The following SH3RF3 variants were observed in gnomAD, a reference collection of about 807,000 sequenced individuals.
The protein encoded by SH3RF3 is SH3 domain containing ring finger 3.
SH3RF3 carries 29 observed loss-of-function variants against 66.3 expected under a neutral mutation model. The observed-to-expected ratio is 0.44, with a 90% CI of 0.33 to 0.60. The LOEUF is 0.60. Among genes scored for constraint, SH3RF3 ranks in the 20% least tolerant of loss-of-function variants. The pLI is 0.04. For missense variants in SH3RF3, 1,194 were observed against 1,190.9 expected, an observed-to-expected ratio of 1.00 and a Z score of -0.04; for synonymous variants, 583 against 532.0, an observed-to-expected ratio of 1.10 and a Z score of -1.32.
intron 1 of SH3RF3, among the ~76,000 whole-genome samples, chr2:109,287,823 A>C (rs1333038704): frequency 1.3e-5 from 2 of 151,600 alleles, no homozygotes; most frequent in Non-Finnish European, 2.9e-5. Flanking sequence ...AGGGCGCTGC[A>C]CTCTCCTGTG....
intron 8 of SH3RF3, among the ~76,000 whole-genome samples, chr2:109,456,581 C>A (rs1410545398): frequency 1.3e-5 from 2 of 152,212 alleles, no homozygotes; most frequent in African/African-American, 4.8e-5. Context: ...CTGGAGGCTT[C>A]TCTTGTTATC....
intron 7 of SH3RF3, among the ~76,000 whole-genome samples, chr2:109,438,427 G>T (rs1677471246): frequency 2.0e-5 from 3 of 152,190 alleles, no homozygotes; most frequent in African/African-American, 4.8e-5. Flanking sequence ...TGTGCTGGTG[G>T]TGTACCTGTC....
At chr2:109,391,107 C>G (rs778903177) in intron 3 of SH3RF3, among the ~76,000 whole-genome samples, 1 of 152,224 alleles carries the variant, frequency 6.6e-6, no homozygotes, top group Non-Finnish European at 1.5e-5. Flanking sequence ...GAAAACCATT[C>G]GCTCCGACTC....
At chr2:109,325,269 G>GTAGA (rs1682124913) in intron 1 of SH3RF3, among the ~76,000 whole-genome samples, 1 of 150,410 alleles carries the variant, frequency 6.6e-6, no homozygotes, top group African/African-American at 2.4e-5. Context: ...CCAAGAAATC[G>GTAGA]TAGAATCCCA....
intron 1 of SH3RF3, among the ~76,000 whole-genome samples, chr2:109,181,478 G>A (rs1172599267): frequency 2.0e-5 from 3 of 151,854 alleles, no homozygotes; most frequent in African/African-American, 7.3e-5. Flanking sequence ...GATTCCACTG[G>A]TGTAACACAC....
chr2:109,461,388 C>T lies in SH3RF3; in HGVS notation c.2148+11899C>T, dbSNP rs561375908. On this transcript the variant is annotated intron_variant, in intron 8 of 9. Transcript: ENST00000309415. ...TGCTCCAAAATCCTAAAGACCTGCG[C>T]GGTGATCCACCTGCCAAAGGCCCCA... Among the ~76,000 whole-genome samples the T allele has an allele frequency of 1.6e-4, 24 of 150,766 alleles. 1 individual carries two copies. The East Asian group carries it at 2.9e-3, about 18-fold the overall frequency.
intron 1 of SH3RF3, among the ~76,000 whole-genome samples, chr2:109,261,699 T>C (rs1680359742): frequency 6.6e-6 from 1 of 152,088 alleles, no homozygotes; most frequent in Non-Finnish European, 1.5e-5. Flanking sequence ...TCTTATTGAA[T>C]TGGGTGTGTA....
At chr2:109,483,001 T>A (rs1418154458) in intron 8 of SH3RF3, among the ~76,000 whole-genome samples, 1 of 152,256 alleles carries the variant, frequency 6.6e-6, no homozygotes, top group Non-Finnish European at 1.5e-5. Flanking sequence ...CTGTTTCTTT[T>A]AATTATCTCG....
At chr2:109,282,164 A>G (rs1181993535) in intron 1 of SH3RF3, among the ~76,000 whole-genome samples, 2 of 151,944 alleles carry the variant, frequency 1.3e-5, no homozygotes, top group Non-Finnish European at 1.5e-5. Context: ...GATGATGGAT[A>G]GCAGCTATTT....
intron 1 of SH3RF3, among the ~76,000 whole-genome samples, chr2:109,338,069 C>T (rs796230863): frequency 6.6e-6 from 1 of 152,204 alleles, no homozygotes; most frequent in African/African-American, 2.4e-5. Flanking sequence ...GTCTGTGTGT[C>T]ATGTGATGTG....
rs1676618643 is a variant in SH3RF3 at position 109,129,330 on chromosome 2, CGG to C, written c.-210_-209del. ...TCAGGACTGGGCGGGCTCGGCTGGC[CGG>C]TCCCCGCCACGCAGGCCGGTCCCCG... On this transcript the variant is annotated 5_prime_UTR_variant, in exon 1 of 10. Coordinates refer to ENST00000309415, the MANE Select transcript of SH3RF3 (RefSeq NM_001099289.3). The C allele has an allele frequency of 2.3e-3, 3 of 1,304 alleles. No homozygotes were observed. The highest frequency in any genetic ancestry group is 9.0e-4 in the African/African-American group (1 of 1,112). The allele number at this position is 1,304 out of a possible 1,614,324, so 0.1% of individuals were successfully genotyped here.
intron 8 of SH3RF3, among the ~76,000 whole-genome samples, chr2:109,451,642 A>G (rs2104643446): frequency 6.6e-6 from 1 of 152,350 alleles, no homozygotes; most frequent in Admixed American, 6.5e-5. Context: ...CCTGTTAGAC[A>G]CTTTGTAAAT....
intron 8 of SH3RF3, among the ~76,000 whole-genome samples, chr2:109,469,876 A>G (rs924851942): frequency 6.6e-6 from 1 of 152,212 alleles, no homozygotes; most frequent in Non-Finnish European, 1.5e-5. Flanking sequence ...GTCCACTGCA[A>G]CCACAACCTC....
chr2:109,316,024 C>A (rs1681871348), intron 1 of SH3RF3, among the ~76,000 whole-genome samples: 1 of 152,130 alleles, frequency 6.6e-6, no homozygotes, highest in South Asian at 2.1e-4. Flanking sequence ...GCTTTTTTCA[C>A]CCAAATTGCA....
At chr2:109,425,669 G>T (rs1451297540) in intron 5 of SH3RF3, among the ~76,000 whole-genome samples, 1 of 151,108 alleles carries the variant, frequency 6.6e-6, no homozygotes, top group Non-Finnish European at 1.5e-5. Context: ...CCTGAATATT[G>T]TAAGTCCATT....
intron 1 of SH3RF3, among the ~76,000 whole-genome samples, chr2:109,148,662 AG>A (rs1443344343): frequency 6.6e-6 from 1 of 152,260 alleles, no homozygotes; most frequent in Non-Finnish European, 1.5e-5. Context: ...AAAATGTGAA[AG>A]GGATAATTTC....
At chr2:109,489,135 C>A (rs1679059561) in intron 8 of SH3RF3, among the ~76,000 whole-genome samples, 1 of 152,260 alleles carries the variant, frequency 6.6e-6, no homozygotes, top group East Asian at 1.9e-4. Flanking sequence ...CCAGGGCACA[C>A]CTTCATTATA....
chr2:109,458,601 A>AGAGAGAGAGAGAGAGAGAGAG (rs1553524376), intron 8 of SH3RF3, among the ~76,000 whole-genome samples: 121 of 148,822 alleles, frequency 8.1e-4, no homozygotes, highest in East Asian at 1.2e-3. Flanking sequence ...AGAGAGAGAG[A>AGAGAGAGAGAGAGAGAGAGAG]ATTTATTTAT....
chr2:109,273,252 G>A (rs911499017), intron 1 of SH3RF3, among the ~76,000 whole-genome samples: 2 of 152,260 alleles, frequency 1.3e-5, no homozygotes, highest in Non-Finnish European at 2.9e-5. Context: ...GCCAGGCTGG[G>A]AAGGCACATG....
Sources: gnomAD v4.1 joint callset for allele counts (sites outside exome capture counted in the v4.1 genomes callset) on GRCh38, gnomAD v4.1.1 for gene constraint, MANE v1.5 for transcripts, NCBI Gene and HGNC (gene_info 2026-07-23, HGNC 2026-07-21) for gene names.